The following ZEB1 variants were observed in gnomAD, a reference collection of about 807,000 sequenced individuals.
ZEB1 encodes the protein zinc finger E-box-binding homeobox 1.
In ZEB1, 21 loss-of-function variants were observed where a neutral mutation model predicts 84.9. That is an observed-to-expected ratio of 0.25 (90% CI 0.18 to 0.36). ZEB1 has a LOEUF of 0.36. ZEB1 is among the 10% of genes least tolerant of loss of function. ZEB1 has a pLI of 1.00. For missense variants in ZEB1, 1,104 were observed against 1,330.2 expected, an observed-to-expected ratio of 0.83 and a Z score of 2.65; for synonymous variants, 420 against 471.1, an observed-to-expected ratio of 0.89 and a Z score of 1.41.
chr10:31,412,433 T>C (rs960481064), intron 1 of ZEB1, among the ~76,000 whole-genome samples: 1 of 152,054 alleles, frequency 6.6e-6, no homozygotes, highest in Admixed American at 6.6e-5. Flanking sequence ...TGACAGGCCC[T>C]GGTGTGTGAT....
intron 1 of ZEB1, among the ~76,000 whole-genome samples, chr10:31,352,033 A>G (rs2041399246): frequency 1.3e-5 from 2 of 152,224 alleles, no homozygotes; most frequent in South Asian, 4.1e-4. Flanking sequence ...CATAGGCTAT[A>G]TAATACATGT....
chr10:31,373,100 G>A, intron 1 of ZEB1: 1 of 985,350 alleles, frequency 1.0e-6, no homozygotes, highest in Non-Finnish European at 1.2e-6. Context: ...TTTGTGATTT[G>A]GCTACTGTCT....
chr10:31,441,825 C>A (rs1205460692), intron 1 of ZEB1, among the ~76,000 whole-genome samples: 1 of 152,202 alleles, frequency 6.6e-6, no homozygotes, highest in Non-Finnish European at 1.5e-5. Context: ...TATCACTGGC[C>A]ATCAGAGAAA....
chr10:31,462,719 C>A (rs951496094), intron 2 of ZEB1, among the ~76,000 whole-genome samples: 3 of 151,974 alleles, frequency 2.0e-5, no homozygotes, highest in East Asian at 1.9e-4. Flanking sequence ...GGAATTTGAA[C>A]CTTATCATGG....
intron 1 of ZEB1, among the ~76,000 whole-genome samples, chr10:31,453,731 C>T (rs1051144436): frequency 3.9e-5 from 6 of 152,140 alleles, no homozygotes; most frequent in African/African-American, 9.6e-5. Flanking sequence ...CCTGAATAGA[C>T]CAATAACAAG....
intron 1 of ZEB1, chr10:31,373,222 G>A (rs2046021700): frequency 1.0e-6 from 1 of 975,288 alleles, no homozygotes; most frequent in African/African-American, 1.8e-5. Context: ...TGTGTGTAAA[G>A]CCTACCAATG....
At chr10:31,464,593 AG>A (rs1206014075) in intron 2 of ZEB1, among the ~76,000 whole-genome samples, 1 of 152,214 alleles carries the variant, frequency 6.6e-6, no homozygotes, top group Non-Finnish European at 1.5e-5. Flanking sequence ...ATCTTCACTA[AG>A]GCACATTACA....
chr10:31,321,345 C>G, intron 1 of ZEB1: 6 of 1,472,388 alleles, frequency 4.1e-6, no homozygotes, highest in Non-Finnish European at 4.5e-6. Flanking sequence ...CAAATAAACA[C>G]TTGCATTTTA....
intron 1 of ZEB1, among the ~76,000 whole-genome samples, chr10:31,431,390 A>G (rs528386542): frequency 6.6e-6 from 1 of 152,342 alleles, no homozygotes; most frequent in Admixed American, 6.5e-5. Flanking sequence ...ATCATTCATT[A>G]TACTATAAAT....
intron 1 of ZEB1, among the ~76,000 whole-genome samples, chr10:31,452,780 T>G (rs2060767491): frequency 7.5e-6 from 1 of 132,946 alleles, no homozygotes; most frequent in African/African-American, 2.9e-5. Context: ...AGAGAGATGT[T>G]ATTGTAGTCC....
chr10:31,449,319 C>T (rs576033134), intron 1 of ZEB1, among the ~76,000 whole-genome samples: 1 of 152,246 alleles, frequency 6.6e-6, no homozygotes, highest in Non-Finnish European at 1.5e-5. Flanking sequence ...GTCTGGCACT[C>T]CCTAGTGAGA....
chr10:31,489,968 G>T (rs1156656275), intron 2 of ZEB1, among the ~76,000 whole-genome samples: 2 of 151,302 alleles, frequency 1.3e-5, no homozygotes. Context: ...TATTCTTATT[G>T]AATTTAGAAT....
At chr10:31,474,273 A>C (rs972662373) in intron 2 of ZEB1, among the ~76,000 whole-genome samples, 5 of 151,844 alleles carry the variant, frequency 3.3e-5, no homozygotes, top group East Asian at 3.9e-4. Flanking sequence ...GTGAACAGGC[A>C]ACCTACAAAA....
chr10:31,458,965 G>A (rs1344751571), intron 1 of ZEB1, among the ~76,000 whole-genome samples: 1 of 152,018 alleles, frequency 6.6e-6, no homozygotes, highest in Admixed American at 6.6e-5. Context: ...CTGTGAAATC[G>A]AAAATGCATT....
At chr10:31,489,484 T>C (rs1204483503) in intron 2 of ZEB1, among the ~76,000 whole-genome samples, 4 of 151,560 alleles carry the variant, frequency 2.6e-5, no homozygotes, top group Non-Finnish European at 5.9e-5. Context: ...AAATGTTTTA[T>C]GTTTGGATTT....
chr10:31,384,013 G>T (rs532865262), intron 1 of ZEB1, among the ~76,000 whole-genome samples: 1 of 114,800 alleles, frequency 8.7e-6, no homozygotes, highest in East Asian at 2.9e-4. Flanking sequence ...TCACTCTGTC[G>T]CCCAGACTGG....
intron 1 of ZEB1, among the ~76,000 whole-genome samples, chr10:31,442,020 A>G (rs2059060688): frequency 1.3e-5 from 2 of 152,214 alleles, no homozygotes; most frequent in South Asian, 4.1e-4. Context: ...AGGATCTAGA[A>G]CTAGAAATAC....
intron 2 of ZEB1, among the ~76,000 whole-genome samples, chr10:31,474,883 A>T (rs1256294157): frequency 6.6e-6 from 1 of 152,144 alleles, no homozygotes; most frequent in East Asian, 1.9e-4. Context: ...ATGCAGCCAT[A>T]AAAAAGGATG....
At chr10:31,473,748 C>A (rs1404077589) in intron 2 of ZEB1, among the ~76,000 whole-genome samples, 6 of 150,350 alleles carry the variant, frequency 4.0e-5, no homozygotes, top group Non-Finnish European at 7.4e-5. Context: ...GCCTGCATCG[C>A]CAAGTCAATC....
Sources: gnomAD v4.1 joint callset for allele counts (sites outside exome capture counted in the v4.1 genomes callset) on GRCh38, gnomAD v4.1.1 for gene constraint, MANE v1.5 for transcripts, NCBI Gene and HGNC (gene_info 2026-07-23, HGNC 2026-07-21) for gene names.